The following LINGO2 variants were observed in gnomAD, a reference collection of about 807,000 sequenced individuals.
LINGO2 encodes the protein leucine-rich repeat and immunoglobulin-like domain-containing nogo receptor-interacting protein 2.
Under a neutral mutation model 30.6 loss-of-function variants are expected in LINGO2, and 14 were observed. The observed-to-expected ratio is 0.46, with a 90% confidence interval of 0.30 to 0.72. The LOEUF (loss-of-function observed/expected upper bound fraction) is 0.72. Ranked by LOEUF, LINGO2 falls within the 30% of genes least tolerant of loss-of-function variation. The pLI is 0.07. For synonymous variants in LINGO2, 317 were observed against 288.5 expected (o/e 1.10, Z -1.00); for missense variants, 729 against 751.7 (o/e 0.97, Z 0.35).
chr9:28,241,004 C>T (rs1821764438), intron 4 of LINGO2, among the ~76,000 whole-genome samples: 2 of 152,072 alleles, frequency 1.3e-5, no homozygotes. Flanking sequence ...GGCACAGTGG[C>T]TCACGCCTGT....
intron 4 of LINGO2, among the ~76,000 whole-genome samples, chr9:28,208,727 T>C (rs1358184259): frequency 6.6e-6 from 1 of 152,000 alleles, no homozygotes; most frequent in South Asian, 2.1e-4. Context: ...TACTCTAGTT[T>C]TCAGTCTCTT....
the LINGO2 span, among the ~76,000 whole-genome samples, chr9:28,724,802 G>A: frequency 6.6e-6 from 1 of 152,066 alleles, no homozygotes; most frequent in Non-Finnish European, 1.5e-5. Context: ...TCATAAGTTT[G>A]GGGGTCATCC....
chr9:28,901,429 C>A, the LINGO2 span, among the ~76,000 whole-genome samples: 1 of 151,988 alleles, frequency 6.6e-6, no homozygotes, highest in African/African-American at 2.4e-5. Context: ...TAATACTGTA[C>A]TGTGGGTCTG....
intron 5 of LINGO2, among the ~76,000 whole-genome samples, chr9:27,987,840 T>G (rs957005793): frequency 4.6e-5 from 7 of 151,938 alleles, no homozygotes; most frequent in African/African-American, 1.7e-4. Context: ...CAAACCAAAT[T>G]GACCTTCCCA....
intron 3 of LINGO2, among the ~76,000 whole-genome samples, chr9:28,307,009 A>C (rs1196426794): frequency 3.3e-5 from 5 of 152,100 alleles, no homozygotes; most frequent in African/African-American, 1.2e-4. Flanking sequence ...TACAAGGAGG[A>C]ACTGGTACCA....
chr9:28,433,107 T>TA, intron 2 of LINGO2, among the ~76,000 whole-genome samples: 1 of 152,104 alleles, frequency 6.6e-6, no homozygotes, highest in Admixed American at 6.6e-5. Flanking sequence ...TCATCTCTCT[T>TA]AAAAAGCAGT....
the LINGO2 span, among the ~76,000 whole-genome samples, chr9:28,702,378 C>T: frequency 2.0e-5 from 3 of 151,792 alleles, no homozygotes; most frequent in Admixed American, 1.3e-4. Flanking sequence ...TCTATTGATA[C>T]AATCAAGTGG....
At chr9:28,790,325 C>CTTTCTTTTTTTTTT in the LINGO2 span, among the ~76,000 whole-genome samples, 9 of 106,264 alleles carry the variant, frequency 8.5e-5, no homozygotes, top group African/African-American at 3.5e-4. Context: ...TCTTTTCTTT[C>CTTTCTTTTTTTTTT]TTTTTTTTTT....
the LINGO2 span, among the ~76,000 whole-genome samples, chr9:28,788,002 G>A: frequency 1.8e-4 from 28 of 152,178 alleles, no homozygotes; most frequent in East Asian, 5.4e-3. Flanking sequence ...GGTAAATTAT[G>A]TGAACTAAAA....
chr9:29,196,927 T>G, the LINGO2 span, among the ~76,000 whole-genome samples: 4 of 152,042 alleles, frequency 2.6e-5, no homozygotes, highest in African/African-American at 9.7e-5. Context: ...TAACTCACTC[T>G]TCTTCTCACT....
the LINGO2 span, among the ~76,000 whole-genome samples, chr9:29,014,936 C>A: frequency 5.9e-5 from 9 of 152,104 alleles, no homozygotes; most frequent in Non-Finnish European, 1.2e-4. Context: ...CTAAAGGAGA[C>A]CCTTTCTAAG....
At chr9:28,515,869 A>C (rs1587791358) in intron 1 of LINGO2, among the ~76,000 whole-genome samples, 1 of 152,192 alleles carries the variant, frequency 6.6e-6, no homozygotes, top group African/African-American at 2.4e-5. Context: ...TGCTATAGAC[A>C]AATCTTGTGA....
chr9:28,443,383 C>A (rs192937202), intron 2 of LINGO2, among the ~76,000 whole-genome samples: 11 of 152,094 alleles, frequency 7.2e-5, no homozygotes, highest in African/African-American at 2.7e-4. Flanking sequence ...CTGGTTGGGG[C>A]GGGGAACAGG....
the LINGO2 span, among the ~76,000 whole-genome samples, chr9:28,773,390 C>T: frequency 6.8e-6 from 1 of 147,320 alleles, no homozygotes; most frequent in Non-Finnish European, 1.5e-5. Flanking sequence ...AAGTGACTTA[C>T]ATACAAAGTT....
chr9:28,425,164 T>C (rs1466744026), intron 2 of LINGO2, among the ~76,000 whole-genome samples: 1 of 150,570 alleles, frequency 6.6e-6, no homozygotes, highest in African/African-American at 2.4e-5. Flanking sequence ...CTTTACATTC[T>C]GCACTTTAAC....
chr9:27,949,236 C>CCGCT lies in LINGO2; in HGVS notation c.1432_1435dup (p.Gly479GlufsTer9). ...ATTGCTAGCGATGCAAACATACATC[C>CCGCT]CGCTGTCTTGATCCTGGGCAAAGCG... On this transcript the variant is annotated frameshift_variant, in exon 6 of 6. Coordinates refer to ENST00000379992, the Ensembl canonical transcript of LINGO2. LOFTEE classifies it high-confidence loss of function. 1 of 1,614,062 alleles carries CCGCT rather than the reference C, an allele frequency of 6.2e-7. No homozygotes were observed. Among genetic ancestry groups the CCGCT allele is most frequent in the Non-Finnish European group, 8.5e-7 (1 of 1,180,012 alleles).
chr9:28,619,400 T>C (rs1826290024), intron 1 of LINGO2, among the ~76,000 whole-genome samples: 1 of 152,162 alleles, frequency 6.6e-6, no homozygotes, highest in Non-Finnish European at 1.5e-5. Context: ...TTCTACCACT[T>C]GCTGATGAGC....
chr9:28,396,387 T>C (rs75627660), intron 2 of LINGO2, among the ~76,000 whole-genome samples: 2,332 of 152,040 alleles, frequency 0.015, 38 homozygotes, highest in South Asian at 0.034. Flanking sequence ...AGTTGACAAT[T>C]TTGAATAGGA....
chr9:28,097,430 C>A (rs867784583), intron 4 of LINGO2, among the ~76,000 whole-genome samples: 5 of 145,860 alleles, frequency 3.4e-5, no homozygotes, highest in Middle Eastern at 3.5e-3. Flanking sequence ...GACTTGGAAC[C>A]AACCCAAATG....
Sources: allele counts gnomAD v4.1 joint callset (sites outside exome capture counted in the v4.1 genomes callset), GRCh38; gene constraint gnomAD v4.1.1; transcripts MANE v1.5; gene names NCBI Gene and HGNC (gene_info 2026-07-23, HGNC 2026-07-21).